Variants in CTNNA2 observed in about 807,000 individuals in gnomAD.
CTNNA2 encodes catenin alpha 2.
A neutral mutation model predicts 101.0 loss-of-function variants in CTNNA2; 42 were observed. That is an observed-to-expected ratio of 0.42 (90% CI 0.32 to 0.54). The LOEUF is 0.54. Among genes scored for constraint, CTNNA2 ranks in the 20% least tolerant of loss-of-function variants. The pLI, the probability that CTNNA2 is intolerant of heterozygous loss-of-function variation, is 0.14. For synonymous variants in CTNNA2, 450 were observed against 456.4 expected, an observed-to-expected ratio of 0.99 and a Z score of 0.18; for missense variants, 871 against 1,223.1, an observed-to-expected ratio of 0.71 and a Z score of 4.29.
chr2:80,228,726 T>G (rs1488106328), intron 7 of CTNNA2, among the ~76,000 whole-genome samples: 1 of 152,142 alleles, frequency 6.6e-6, no homozygotes, highest in East Asian at 1.9e-4. Context: ...CAGTGCACAT[T>G]GAGGACAATT....
At chr2:79,968,659 C>T in intron 7 of CTNNA2, among the ~76,000 whole-genome samples, 1 of 151,936 alleles carries the variant, frequency 6.6e-6, no homozygotes, top group Middle Eastern at 3.4e-3. Flanking sequence ...CCAAACAACA[C>T]AAAAAACAAA....
At chr2:80,155,179 G>T (rs1183386606) in intron 7 of CTNNA2, among the ~76,000 whole-genome samples, 1 of 152,148 alleles carries the variant, frequency 6.6e-6, no homozygotes, top group Non-Finnish European at 1.5e-5. Flanking sequence ...GATTAGAAAA[G>T]AAACAATCTC....
intron 2 of CTNNA2, among the ~76,000 whole-genome samples, chr2:79,679,812 T>C (rs1683434421): frequency 6.6e-6 from 1 of 152,128 alleles, no homozygotes; most frequent in African/African-American, 2.4e-5. Context: ...GGGTAAGGTC[T>C]CTGTGATACA....
intron 9 of CTNNA2, among the ~76,000 whole-genome samples, chr2:80,533,491 A>T (rs924474939): frequency 1.3e-5 from 2 of 152,114 alleles, no homozygotes; most frequent in Non-Finnish European, 2.9e-5. Context: ...TCCACTTGTC[A>T]TCTGGAAATG....
intron 7 of CTNNA2, among the ~76,000 whole-genome samples, chr2:80,043,354 C>T (rs565094676): frequency 2.7e-4 from 41 of 151,882 alleles, no homozygotes; most frequent in Middle Eastern, 3.4e-3. Context: ...CATGCCACCG[C>T]GCCCAGCTGA....
intron 6 of CTNNA2, among the ~76,000 whole-genome samples, chr2:79,896,932 G>T (rs1684754604): frequency 6.6e-6 from 1 of 152,210 alleles, no homozygotes; most frequent in Non-Finnish European, 1.5e-5. Context: ...ACTTTGGCAG[G>T]AGCCGGGGGT....
chr2:80,120,146 G>A (rs1448857526), intron 7 of CTNNA2, among the ~76,000 whole-genome samples: 1 of 152,046 alleles, frequency 6.6e-6, no homozygotes, highest in Non-Finnish European at 1.5e-5. Flanking sequence ...ATTTTAATTT[G>A]TCTGATAGTT....
At chr2:80,563,583 C>G (rs1259710633) in intron 12 of CTNNA2, among the ~76,000 whole-genome samples, 1 of 152,124 alleles carries the variant, frequency 6.6e-6, no homozygotes, top group Non-Finnish European at 1.5e-5. Context: ...GCTATACTGG[C>G]TAGAGTGGTC....
intron 1 of CTNNA2, among the ~76,000 whole-genome samples, chr2:79,649,819 C>T (rs1393343706): frequency 6.6e-6 from 1 of 152,044 alleles, no homozygotes; most frequent in Non-Finnish European, 1.5e-5. Context: ...TGTGTCTTTG[C>T]CTCTACTTTT....
intron 7 of CTNNA2, among the ~76,000 whole-genome samples, chr2:80,022,487 C>G (rs948043744): frequency 6.6e-6 from 1 of 152,084 alleles, no homozygotes; most frequent in Non-Finnish European, 1.5e-5. Flanking sequence ...ATTCAGGGGC[C>G]AGGTGTGGTG....
rs560939104 is a variant in CTNNA2, at chr2:80,018,680, C to A, written c.1056+108883C>A. On this transcript the variant is annotated intron_variant, in intron 7 of 18. Coordinates refer to ENST00000402739, the MANE Select transcript of CTNNA2 (RefSeq NM_001282597.3). ...CCTGTAGTCCCAGCTACTCGGGAGG[C>A]TGAGGCAGGAGAATCGTTTGAACCC... 5.3e-3 allele frequency among the ~76,000 whole-genome samples: 805 copies of A among 151,318 alleles called. 6 individuals are homozygous for A. Among genetic ancestry groups the A allele is most frequent in the African/African-American group, 0.019 (772 of 41,210 alleles).
At chr2:79,944,379 G>A (rs1040974566) in intron 7 of CTNNA2, among the ~76,000 whole-genome samples, 2 of 152,182 alleles carry the variant, frequency 1.3e-5, no homozygotes, top group African/African-American at 4.8e-5. Context: ...AGTCATATAT[G>A]TACCCAACTT....
chr2:79,773,333 G>A (rs1558917250), intron 3 of CTNNA2, among the ~76,000 whole-genome samples: 1 of 152,192 alleles, frequency 6.6e-6, no homozygotes, highest in Non-Finnish European at 1.5e-5. Flanking sequence ...TGCCTCAGGA[G>A]GTCCTGATGA....
In CTNNA2 at chr2:79,874,360, G is replaced by C. The variant is rs1558601697; in HGVS notation, c.852+18G>C. On this transcript the variant is annotated intron_variant, in intron 6 of 18. Coordinates refer to ENST00000402739, the MANE Select transcript of CTNNA2 (RefSeq NM_001282597.3). ...AGTTTGACGTAAGCATCCTGGTGAGGTACACAGAGGGGTGGGCACTGGTGT... is the reference window on the plus strand; with the variant it reads ...AGTTTGACGTAAGCATCCTGGTGAGCTACACAGAGGGGTGGGCACTGGTGT... The C allele has an allele frequency of 6.2e-7, 1 of 1,610,114 alleles. No individual in the cohort carries two copies. The highest frequency in any genetic ancestry group is 1.7e-5 in the Admixed American group (1 of 59,874).
At chr2:79,458,321 A>G (rs1670846168) in intron 4 of CTNNA2, among the ~76,000 whole-genome samples, 1 of 152,204 alleles carries the variant, frequency 6.6e-6, no homozygotes, top group African/African-American at 2.4e-5. Flanking sequence ...CTCTTTTTAC[A>G]AAATGAGTGA....
intron 7 of CTNNA2, among the ~76,000 whole-genome samples, chr2:80,247,060 C>A (rs141989176): frequency 6.6e-6 from 1 of 152,210 alleles, no homozygotes; most frequent in Admixed American, 6.5e-5. Flanking sequence ...CTGTGCCCAG[C>A]ACCATAAGGC....
At chr2:79,553,246 G>A (rs1210804420) in intron 1 of CTNNA2, among the ~76,000 whole-genome samples, 1 of 152,022 alleles carries the variant, frequency 6.6e-6, no homozygotes, top group Admixed American at 6.6e-5. Flanking sequence ...CATCAGCTTG[G>A]CCATCTCTGT....
chr2:80,261,818 A>C (rs796282301), intron 7 of CTNNA2, among the ~76,000 whole-genome samples: 1 of 152,268 alleles, frequency 6.6e-6, no homozygotes, highest in African/African-American at 2.4e-5. Flanking sequence ...ACATGAAATG[A>C]ATTTGGTTTT....
intron 3 of CTNNA2, among the ~76,000 whole-genome samples, chr2:79,746,725 A>G (rs1558893251): frequency 6.6e-6 from 1 of 152,110 alleles, no homozygotes; most frequent in Non-Finnish European, 1.5e-5. Context: ...ACACATTTCT[A>G]CACTTCCCAG....
Sources: allele counts gnomAD v4.1 joint callset (sites outside exome capture counted in the v4.1 genomes callset), GRCh38; gene constraint gnomAD v4.1.1; transcripts MANE v1.5; gene names NCBI Gene and HGNC (gene_info 2026-07-23, HGNC 2026-07-21).